Variants in TEX48 observed in about 807,000 individuals in gnomAD.
TEX48 encodes testis expressed 48, also known as testis-expressed protein 48.
In TEX48, 10 loss-of-function variants were observed where a neutral mutation model predicts 13.2. That is an observed-to-expected ratio of 0.75 (90% CI 0.47 to 1.28). The LOEUF is 1.28. Among genes scored for constraint, TEX48 ranks in the 50% most tolerant of loss-of-function variants. The pLI is 0.00. For missense variants in TEX48, 116 were observed against 139.4 expected (o/e 0.83, Z 0.84); for synonymous variants, 45 against 52.3 (o/e 0.86, Z 0.60).
chr9:114,676,025 G>T (rs1311195744), intron 1 of TEX48, among the ~76,000 whole-genome samples: 1 of 152,220 alleles, frequency 6.6e-6, no homozygotes, highest in Non-Finnish European at 1.5e-5. Context: ...ATGTTTTCCT[G>T]TACACAGCCT....
chr9:114,668,994 G>T (rs1009815493), intron 3 of TEX48, among the ~76,000 whole-genome samples: 1 of 151,874 alleles, frequency 6.6e-6, no homozygotes, highest in African/African-American at 2.4e-5. Flanking sequence ...GTGTCACTGC[G>T]CCCAGCTAAT....
Position 114,666,601 on chromosome 9 carries a change from A to G in TEX48, c.*42T>C. The stretch of plus-strand genomic sequence containing the variant: ...ACTCCTGTCCACCGCCCTCTTCCTC[A>G]TGGAGATGCCCCAGCAGCTGTGCAG... On this transcript the variant is annotated 3_prime_UTR_variant, in exon 5 of 5. Coordinates refer to ENST00000436752, the MANE Select transcript of TEX48 (RefSeq NM_001199233.2). 1.7e-6 allele frequency: 2 copies of G among 1,185,704 alleles called. No individual in the cohort carries two copies. The highest frequency in any genetic ancestry group is 2.4e-5 in the Admixed American group (1 of 41,184). 73.4% of individuals were successfully genotyped at this position (1,185,704 alleles called of 1,614,324 possible). A position where few individuals can be genotyped will look rare whatever the true frequency, so the allele number is the denominator to read the frequency against.
At chr9:114,667,973 TC>T (rs1189670860) in intron 4 of TEX48, among the ~76,000 whole-genome samples, 2 of 149,290 alleles carry the variant, frequency 1.3e-5, no homozygotes, top group Non-Finnish European at 3.0e-5. Flanking sequence ...TGTTTGCCCT[TC>T]CCCCCAGACC....
chr9:114,675,693 A>G (rs1828046297), intron 1 of TEX48, among the ~76,000 whole-genome samples: 1 of 152,152 alleles, frequency 6.6e-6, no homozygotes. Context: ...TTCTGCCCCA[A>G]CAACCCTCTG....
At chr9:114,674,522 TTC>T (rs1422385971) in intron 1 of TEX48, among the ~76,000 whole-genome samples, 10 of 152,092 alleles carry the variant, frequency 6.6e-5, no homozygotes, top group Admixed American at 5.2e-4. Context: ...TTCAAACATT[TTC>T]TCTTTCTTTT....
rs1325997937 is a variant in TEX48 at position 114,674,664 on chromosome 9, TCC to T, written c.-104-2839_-104-2838del. On this transcript the variant is annotated intron_variant, in intron 1 of 4. Coordinates refer to ENST00000436752, the MANE Select transcript of TEX48 (RefSeq NM_001199233.2). ...TTCCTTCCTTCCTTCCTTCCTTCCT[TCC>T]TTCTTTCCTTCTCTCTTGCTCTCAC... is the stretch of plus-strand genomic sequence containing the variant. Among the ~76,000 whole-genome samples, 79 of 46,236 alleles carry T rather than the reference TCC, an allele frequency of 1.7e-3. 2 individuals carry two copies. The highest frequency in any genetic ancestry group is 0.011 in the African/African-American group (79 of 6,950). 30.3% of individuals were successfully genotyped at this position (46,236 alleles called of 152,430 possible).
intron 4 of TEX48, among the ~76,000 whole-genome samples, chr9:114,667,905 C>CAAAAAAAAAAAA (rs1176250476): frequency 1.7e-5 from 1 of 60,500 alleles, no homozygotes; most frequent in African/African-American, 6.9e-5. Flanking sequence ...GACTCCATCT[C>CAAAAAAAAAAAA]AAAAAAAAAA....
intron 1 of TEX48, among the ~76,000 whole-genome samples, chr9:114,680,125 T>C (rs1018806824): frequency 2.8e-5 from 4 of 140,896 alleles, no homozygotes; most frequent in Admixed American, 7.0e-5. Context: ...TTGTCCCTTT[T>C]TTTTTTTTTT....
intron 1 of TEX48, among the ~76,000 whole-genome samples, chr9:114,674,295 C>G (rs372440365): frequency 6.6e-6 from 1 of 152,042 alleles, no homozygotes; most frequent in East Asian, 1.9e-4. Context: ...TCCATTTGCC[C>G]CCCCTGCTGA....
At chr9:114,668,888 G>A (rs928846800) in intron 3 of TEX48, among the ~76,000 whole-genome samples, 1 of 152,100 alleles carries the variant, frequency 6.6e-6, no homozygotes, top group Non-Finnish European at 1.5e-5. Context: ...CCAGGCTGGA[G>A]TGCAATGGTG....
chr9:114,674,915 C>T (rs556359809), intron 1 of TEX48, among the ~76,000 whole-genome samples: 1 of 151,280 alleles, frequency 6.6e-6, no homozygotes, highest in South Asian at 2.1e-4. Context: ...AAGTGATCCT[C>T]CCATGTTGGC....
At chr9:114,672,565 A>C (rs1051686943) in intron 1 of TEX48, among the ~76,000 whole-genome samples, 3 of 152,222 alleles carry the variant, frequency 2.0e-5, no homozygotes, top group South Asian at 2.1e-4. Context: ...TTTTGCCTTC[A>C]TTATAGGCAC....
rs566322196 is a variant in TEX48 at position 114,667,593 on chromosome 9, G to A, written c.259+613C>T. Among the ~76,000 whole-genome samples the A allele has an allele frequency of 4.1e-4, 62 of 152,150 alleles. 1 individual carries two copies. The highest frequency in any genetic ancestry group is 7.1e-4 in the Non-Finnish European group (48 of 68,030). Reference sequence around the variant, plus strand: ...CAAAGTAGACATCAAGTAAGCATATGAAAAATACACGTGTAAGATGATGCC... The same window carrying A: ...CAAAGTAGACATCAAGTAAGCATATAAAAAATACACGTGTAAGATGATGCC... On this transcript the variant is annotated intron_variant, in intron 4 of 4. Coordinates refer to ENST00000436752, the MANE Select transcript of TEX48 (RefSeq NM_001199233.2).
chr9:114,673,803 T>C (rs915704807), intron 1 of TEX48, among the ~76,000 whole-genome samples: 9 of 63,686 alleles, frequency 1.4e-4, no homozygotes, highest in East Asian at 1.3e-3. Context: ...TGGGGGTAAA[T>C]GCAAACTTTT....
chr9:114,672,385 A>G (rs553707125), intron 1 of TEX48, among the ~76,000 whole-genome samples: 1 of 152,214 alleles, frequency 6.6e-6, no homozygotes, highest in Non-Finnish European at 1.5e-5. Context: ...CAGGATTATA[A>G]GGCCTTGCTT....
At chr9:114,676,817 T>C (rs1589379802) in intron 1 of TEX48, among the ~76,000 whole-genome samples, 2 of 152,012 alleles carry the variant, frequency 1.3e-5, no homozygotes, top group African/African-American at 2.4e-5. Context: ...GGGGTTTCAC[T>C]GTGTTAGCCA....
chr9:114,680,996 C>T (rs1828188389), intron 1 of TEX48, among the ~76,000 whole-genome samples: 1 of 152,206 alleles, frequency 6.6e-6, no homozygotes, highest in Admixed American at 6.5e-5. Flanking sequence ...GCACAGTTCT[C>T]CCTTGTTTAA....
intron 1 of TEX48, 45 bp from the exon 2 acceptor site, chr9:114,671,872 C>G: frequency 1.2e-6 from 1 of 815,840 alleles, no homozygotes; most frequent in Non-Finnish European, 2.0e-6. Flanking sequence ...AGTCCTTCAC[C>G]TGTGTTCACA....
intron 1 of TEX48, among the ~76,000 whole-genome samples, chr9:114,675,810 C>T (rs1828050700): frequency 1.3e-5 from 2 of 152,234 alleles, no homozygotes; most frequent in South Asian, 4.1e-4. Context: ...GCCCTACAGC[C>T]ATAAGAGATG....
Sources: allele counts gnomAD v4.1 joint callset (sites outside exome capture counted in the v4.1 genomes callset), GRCh38; gene constraint gnomAD v4.1.1; transcripts MANE v1.5; gene names NCBI Gene and HGNC (gene_info 2026-07-23, HGNC 2026-07-21).